SLIT3: variants seen among roughly 807,000 people sequenced by gnomAD.
The protein encoded by SLIT3 is slit homolog 3 protein.
Under a neutral mutation model 184.0 loss-of-function variants are expected in SLIT3, and 68 were observed. The ratio of observed to expected loss-of-function variants is 0.37; its 90% CI spans 0.30 to 0.45. SLIT3 has a LOEUF of 0.45. Among genes scored for constraint, SLIT3 ranks in the 20% least tolerant of loss-of-function variants. The pLI is 1.00. For missense variants in SLIT3, 1,707 were observed against 2,026.0 expected, an observed-to-expected ratio of 0.84 and a Z score of 3.02; for synonymous variants, 831 against 828.6, an observed-to-expected ratio of 1.00 and a Z score of -0.05.
intron 1 of SLIT3, among the ~76,000 whole-genome samples, chr5:169,293,442 C>T (rs575386669): frequency 2.0e-5 from 3 of 152,132 alleles, no homozygotes; most frequent in Admixed American, 1.3e-4. Flanking sequence ...CCAACGCTGA[C>T]GATCTGTATT....
rs144124898 is a variant in SLIT3, at chr5:168,785,760, C to T, written c.1151+147G>A. ...ACTCTCCTTTCATAAAAATAGGAAACGGAGGTGAAGCGTGGACAGCTCAAA... is the reference window on the plus strand; with the variant it reads ...ACTCTCCTTTCATAAAAATAGGAAATGGAGGTGAAGCGTGGACAGCTCAAA... On this transcript the variant is annotated intron_variant, in intron 12 of 35. Transcript: ENST00000519560. 572 of 614,502 alleles carry T rather than the reference C, an allele frequency of 9.3e-4. 2 individuals are homozygous for T. The highest frequency in any genetic ancestry group is 7.9e-3 in the African/African-American group (431 of 54,314). 38.1% of individuals were successfully genotyped at this position (614,502 alleles called of 1,614,324 possible).
At chr5:168,712,386 C>T (rs1203793251) in intron 23 of SLIT3, 32 bp from the exon 24 acceptor site, 1 of 1,599,420 alleles carries the variant, frequency 6.3e-7, no homozygotes, top group Admixed American at 1.7e-5. Flanking sequence ...GGAAGGTTAG[C>T]ATCCACTAAT....
chr5:168,763,955 G>A (rs893610514), intron 14 of SLIT3, among the ~76,000 whole-genome samples: 2 of 152,198 alleles, frequency 1.3e-5, no homozygotes, highest in Non-Finnish European at 2.9e-5. Flanking sequence ...GAGGCAACTT[G>A]GTGATCTTAT....
intron 5 of SLIT3, among the ~76,000 whole-genome samples, chr5:168,850,267 T>A (rs977802778): frequency 1.3e-5 from 2 of 152,208 alleles, no homozygotes; most frequent in Non-Finnish European, 2.9e-5. Context: ...TAAAACAACA[T>A]CTCAAATGAG....
chr5:168,967,457 T>TTTTTTTTTTTTTTTTTTTTTTTTTTA (rs70979117), intron 4 of SLIT3, among the ~76,000 whole-genome samples: 1 of 76,380 alleles, frequency 1.3e-5, no homozygotes, highest in African/African-American at 4.5e-5. Flanking sequence ...TTTTTTTTTT[T>TTTTTTTTTTTTTTTTTTTTTTTTTTA]GAGACGGAGT....
At position 169,284,788 on chromosome 5, in the gene SLIT3, T is replaced by C. The variant is rs7714692; in HGVS notation, c.197+15725A>G. ...TAATTTAGTTAGAGCATTGAATGTG[T>C]GTTAGGCATTTTGCATTTACTATCC... On this transcript the variant is annotated intron_variant, in intron 1 of 35. Transcript: ENST00000519560. Among the ~76,000 whole-genome samples, 1,133 of 152,364 alleles carry C rather than the reference T, an allele frequency of 7.4e-3. 14 individuals carry two copies. Among genetic ancestry groups the C allele is most frequent in the African/African-American group, 0.026 (1,088 of 41,586 alleles).
rs373007511 is a variant in SLIT3, at chr5:169,273,091, G to A, written c.198-21632C>T. On this transcript the variant is annotated intron_variant, in intron 1 of 35. Coordinates refer to ENST00000519560, the MANE Select transcript of SLIT3 (RefSeq NM_003062.4). ...CCCACACCTCAGCCCTTGGGAAGGC[G>A]GCCCCTTCTGAACCGAGAGAGAACA... Among the ~76,000 whole-genome samples, 263 of 152,126 alleles carry A rather than the reference G, an allele frequency of 1.7e-3. 2 individuals carry two copies. The highest frequency in any genetic ancestry group is 6.3e-3 in the African/African-American group (260 of 41,512).
At chr5:168,939,585 T>C (rs1000077089) in intron 4 of SLIT3, among the ~76,000 whole-genome samples, 1 of 152,206 alleles carries the variant, frequency 6.6e-6, no homozygotes, top group Non-Finnish European at 1.5e-5. Context: ...AGTTCTCCTA[T>C]AAAATAAGCT....
At chr5:168,936,419 G>A (rs945483035) in intron 4 of SLIT3, among the ~76,000 whole-genome samples, 2 of 152,156 alleles carry the variant, frequency 1.3e-5, no homozygotes. Flanking sequence ...ATTTTTAGTA[G>A]AGACGGGGTT....
intron 4 of SLIT3, among the ~76,000 whole-genome samples, chr5:169,009,346 G>C (rs939884144): frequency 1.3e-5 from 2 of 152,186 alleles, no homozygotes; most frequent in Non-Finnish European, 2.9e-5. Flanking sequence ...TCTCTGCAAG[G>C]CTCTCAGAAA....
intron 4 of SLIT3, among the ~76,000 whole-genome samples, chr5:168,948,151 T>C (rs774211553): frequency 1.3e-5 from 2 of 152,144 alleles, no homozygotes; most frequent in African/African-American, 4.8e-5. Context: ...TGAATGACTG[T>C]GTGCCACACT....
intron 14 of SLIT3, among the ~76,000 whole-genome samples, chr5:168,763,098 A>T (rs1755217350): frequency 6.6e-6 from 1 of 152,096 alleles, no homozygotes; most frequent in Admixed American, 6.5e-5. Flanking sequence ...GGACCCTCTA[A>T]ATGTTCATGA....
At chr5:169,124,513 C>A (rs1581433486) in intron 4 of SLIT3, among the ~76,000 whole-genome samples, 1 of 152,246 alleles carries the variant, frequency 6.6e-6, no homozygotes, top group South Asian at 2.1e-4. Context: ...CCAGATACCA[C>A]TTCACCCCTT....
rs552101818 is a variant in SLIT3, at chr5:169,000,741, C to T, written c.414-117405G>A. 4.6e-5 allele frequency among the ~76,000 whole-genome samples: 7 copies of T among 152,294 alleles called. No individual in the cohort carries two copies. In the East Asian group the frequency reaches 5.8e-4, roughly 13 times the overall value. ...AAACAGCAACAGAAAGAAAGATACA[C>T]GGCTGACAGTTATTAGAGCTCTGAG... On this transcript the variant is annotated intron_variant, in intron 4 of 35. Transcript: ENST00000519560.
chr5:168,943,347 T>G (rs963269632), intron 4 of SLIT3, among the ~76,000 whole-genome samples: 4 of 152,220 alleles, frequency 2.6e-5, no homozygotes, highest in Admixed American at 6.5e-5. Context: ...AACTGATATC[T>G]GATACAATTC....
chr5:168,887,438 G>C (rs1760261740), intron 4 of SLIT3, among the ~76,000 whole-genome samples: 1 of 152,152 alleles, frequency 6.6e-6, no homozygotes, highest in Admixed American at 6.5e-5. Context: ...ATTATGAGCT[G>C]TATGATCATT....
intron 23 of SLIT3, among the ~76,000 whole-genome samples, chr5:168,718,749 TTCTCTC>T (rs990029456): frequency 2.4e-5 from 2 of 83,776 alleles, no homozygotes; most frequent in African/African-American, 8.2e-5. Context: ...CTCTCTCTCT[TTCTCTC>T]TCTCTCTTAA....
chr5:169,153,605 C>A (rs1023150442), intron 4 of SLIT3, among the ~76,000 whole-genome samples: 1 of 152,216 alleles, frequency 6.6e-6, no homozygotes, highest in Non-Finnish European at 1.5e-5. Context: ...GGCTCTAGGA[C>A]AGGCTGAACG....
chr5:169,137,451 G>A (rs78982866), intron 4 of SLIT3, among the ~76,000 whole-genome samples: 4,142 of 151,846 alleles, frequency 0.027, 197 homozygotes, highest in African/African-American at 0.095. Flanking sequence ...TATTCCCCTC[G>A]TCTTCTCCTA....
Sources: allele counts gnomAD v4.1 joint callset (sites outside exome capture counted in the v4.1 genomes callset), GRCh38; gene constraint gnomAD v4.1.1; transcripts MANE v1.5; gene names NCBI Gene and HGNC (gene_info 2026-07-23, HGNC 2026-07-21).